SCN3A: variants seen among roughly 807,000 people sequenced by gnomAD.
The protein encoded by SCN3A is sodium voltage-gated channel alpha subunit 3, also known as sodium channel protein type 3 subunit alpha.
Under a neutral mutation model 187.6 loss-of-function variants are expected in SCN3A, and 60 were observed. The ratio of observed to expected loss-of-function variants is 0.32; its 90% confidence interval spans 0.26 to 0.40. The LOEUF (loss-of-function observed/expected upper bound fraction) is 0.40. SCN3A is among the 10% of genes least tolerant of loss of function. SCN3A has a pLI of 1.00. For synonymous variants in SCN3A, 788 were observed against 829.2 expected (o/e 0.95, Z 0.85); for missense variants, 1,601 against 2,428.2 (o/e 0.66, Z 7.16).
chr2:165,120,256 C>T (rs1277078232), intron 18 of SCN3A, among the ~76,000 whole-genome samples: 1 of 151,812 alleles, frequency 6.6e-6, no homozygotes, highest in Non-Finnish European at 1.5e-5. Flanking sequence ...AGGTTAACTA[C>T]AAATACCACT....
intron 22 of SCN3A, 106 bp downstream of exon 22, chr2:165,100,196 G>T: frequency 2.2e-6 from 3 of 1,346,436 alleles, no homozygotes; most frequent in Non-Finnish European, 3.2e-6. Context: ...CTCTAATTCT[G>T]TAATTCTATG....
At chr2:165,155,041 TG>T (rs1482719070) in intron 10 of SCN3A, among the ~76,000 whole-genome samples, 1 of 152,200 alleles carries the variant, frequency 6.6e-6, no homozygotes, top group African/African-American at 2.4e-5. Flanking sequence ...AGATGACTTT[TG>T]CTCCCCTCCC....
intron 16 of SCN3A, 54 bp from the exon 17 acceptor site, chr2:165,130,350 A>C: frequency 6.4e-7 from 1 of 1,564,840 alleles, no homozygotes; most frequent in Non-Finnish European, 8.8e-7. Context: ...AATTTTAGAC[A>C]TTATTTTATT....
At chr2:165,142,723 G>GTGTTGT (rs4001045) in intron 12 of SCN3A, among the ~76,000 whole-genome samples, 22,182 of 148,712 alleles carry the variant, frequency 0.15, 1,741 homozygotes, top group Non-Finnish European at 0.18. Context: ...TCCAGAACTC[G>GTGTTGT]TGTTGTTGTT....
chr2:165,091,984 C>A lies in SCN3A; in HGVS notation c.4807+270G>T, dbSNP rs562715248. The A allele has an allele frequency of 7.1e-5, 36 of 503,758 alleles. No homozygotes were observed. In the East Asian group the frequency reaches 1.2e-3, roughly 17 times the overall value. 31.2% of individuals were successfully genotyped at this position (503,758 alleles called of 1,614,324 possible). A position where few individuals can be genotyped will look rare whatever the true frequency, so the allele number is the denominator to read the frequency against. Reference sequence around the variant, plus strand: ...CCATCTGCCTCTTTTAGCCTGTGACCTTGGTTTAAGATTAGGAGAGTACCT... The same window carrying A: ...CCATCTGCCTCTTTTAGCCTGTGACATTGGTTTAAGATTAGGAGAGTACCT... On this transcript the variant is annotated intron_variant, in intron 27 of 27. Coordinates refer to ENST00000283254, the MANE Select transcript of SCN3A (RefSeq NM_006922.4).
rs1559207763 is a variant in SCN3A at position 165,127,931 on chromosome 2, A to T, written c.3093T>A (p.Phe1031Leu). The T allele has an allele frequency of 6.2e-7, 1 of 1,614,000 alleles. No homozygotes were observed. Among genetic ancestry groups the T allele is most frequent in the Non-Finnish European group, 8.5e-7 (1 of 1,179,996 alleles). ...KMRECFQKAFFRKPKVIEIHE... is the reference protein window; with the variant it reads ...KMRECFQKAFLRKPKVIEIHE... Reference sequence around the variant, plus strand: ...GGATTTCTATAACTTTTGGCTTTCTAAAAAAGGCTTTTTGGAAACACTCCC... The same window carrying T: ...GGATTTCTATAACTTTTGGCTTTCTTAAAAAGGCTTTTTGGAAACACTCCC... The change falls in exon 18 of 28, where the codon TTT (phenylalanine) becomes TTA (leucine). Residue 1031 changes from phenylalanine (F) to leucine (L), a missense_variant. Phe to Leu is a conservative substitution (Grantham distance 22, BLOSUM62 0). Coordinates refer to ENST00000283254, the MANE Select transcript of SCN3A (RefSeq NM_006922.4).
intron 21 of SCN3A, among the ~76,000 whole-genome samples, chr2:165,106,991 T>C (rs1323812027): frequency 2.0e-5 from 3 of 152,142 alleles, no homozygotes; most frequent in African/African-American, 7.2e-5. Context: ...ATTGATTGGT[T>C]GTGAGGGGTG....
chr2:165,090,184 C>T lies in SCN3A; in HGVS notation c.5969G>A (p.Ser1990Asn), dbSNP rs1423816457. The T allele has an allele frequency of 3.1e-6, 5 of 1,596,008 alleles. No individual in the cohort carries two copies. The highest frequency in any genetic ancestry group is 1.7e-4 in the Middle Eastern group (1 of 6,008). ...ATTTTCTCTGACCTCTTTTCCTTTG[C>T]TTTCTTTTTCTGGTTTGTCTTTCTC... ...KFEKDKPEKE[S>N]KGKEVRENQK The change falls in exon 28 of 28, where the codon AGC becomes AAC. Residue 1990 changes from serine (S) to asparagine (N), a missense_variant. This residue lies in a region of SCN3A where 87 missense variants were observed against 89.2 expected (regional missense o/e 0.98). Coordinates refer to ENST00000283254, the MANE Select transcript of SCN3A (RefSeq NM_006922.4). The surrounding 1 kb of genome is among the most constrained non-coding windows in gnomAD (Gnocchi z 4.0).
At chr2:165,141,953 G>C (rs1273440484) in intron 12 of SCN3A, among the ~76,000 whole-genome samples, 1 of 152,210 alleles carries the variant, frequency 6.6e-6, no homozygotes, top group Non-Finnish European at 1.5e-5. Context: ...TGAGGATTTA[G>C]CTTGAAGTTC....
intron 21 of SCN3A, among the ~76,000 whole-genome samples, chr2:165,104,182 AAAGTAT>A: frequency 6.6e-6 from 1 of 152,180 alleles, no homozygotes; most frequent in South Asian, 2.1e-4. Flanking sequence ...AGAAAAAGTA[AAAGTAT>A]AATAATAATT....
At chr2:165,173,120 A>G (rs1690216556) in intron 3 of SCN3A, among the ~76,000 whole-genome samples, 1 of 152,174 alleles carries the variant, frequency 6.6e-6, no homozygotes, top group South Asian at 2.1e-4. Flanking sequence ...TGTTACTTAG[A>G]TGCACATCTT....
chr2:165,163,974 G>C (rs1323688493), intron 6 of SCN3A: 1 of 1,264,388 alleles, frequency 7.9e-7, no homozygotes, highest in Admixed American at 2.0e-5. Context: ...TTGGCACATA[G>C]AGCCCTGTGA....
chr2:165,155,685 C>T, intron 10 of SCN3A, 77 bp downstream of exon 10: 1 of 1,543,666 alleles, frequency 6.5e-7, no homozygotes, highest in Non-Finnish European at 8.9e-7. Context: ...AGGCATGAGC[C>T]ACCACACCCA....
At chr2:165,134,815 G>A (rs1687567635) in intron 15 of SCN3A, among the ~76,000 whole-genome samples, 1 of 151,680 alleles carries the variant, frequency 6.6e-6, no homozygotes, top group Non-Finnish European at 1.5e-5. Flanking sequence ...TATTATTTAA[G>A]GTGAGCTAGA....
At chr2:165,145,922 T>TA (rs1688290325) in intron 12 of SCN3A, among the ~76,000 whole-genome samples, 1 of 152,142 alleles carries the variant, frequency 6.6e-6, no homozygotes, top group Non-Finnish European at 1.5e-5. Context: ...CTAATTATTC[T>TA]TTACATCAGA....
At chr2:165,181,780 A>T (rs187639084) in intron 2 of SCN3A, among the ~76,000 whole-genome samples, 1 of 152,300 alleles carries the variant, frequency 6.6e-6, no homozygotes, top group Non-Finnish European at 1.5e-5. Flanking sequence ...TCAGCTCCTG[A>T]CTCAATCACA....
intron 15 of SCN3A, among the ~76,000 whole-genome samples, chr2:165,135,401 A>C (rs1687604701): frequency 6.6e-6 from 1 of 152,126 alleles, no homozygotes; most frequent in Admixed American, 6.6e-5. Flanking sequence ...TTAAGATGGA[A>C]AATTCCACAA....
At chr2:165,115,640 C>T (rs1686335162) in intron 18 of SCN3A, 65 bp from the exon 19 acceptor site, 3 of 1,495,596 alleles carry the variant, frequency 2.0e-6, no homozygotes, top group Non-Finnish European at 2.8e-6. Context: ...CTGGGAAATA[C>T]TGTGTCATTG....
chr2:165,155,367 T>C (rs995952426), intron 10 of SCN3A, among the ~76,000 whole-genome samples: 1 of 151,928 alleles, frequency 6.6e-6, no homozygotes, highest in Non-Finnish European at 1.5e-5. Flanking sequence ...TCTCTCCCTT[T>C]CCCTTTCCCT....
Sources: gnomAD v4.1 joint callset for allele counts (sites outside exome capture counted in the v4.1 genomes callset) on GRCh38, gnomAD v4.1.1 for gene constraint, gnomAD v4.1.1 regional missense constraint, Gnocchi (gnomAD v3.1) non-coding constraint, MANE v1.5 for transcripts, NCBI Gene and HGNC (gene_info 2026-07-23, HGNC 2026-07-21) for gene names.